STAB2: variants seen among roughly 807,000 people sequenced by gnomAD.
STAB2 encodes the protein stabilin-2.
In STAB2, 288 loss-of-function variants were observed where a neutral mutation model predicts 338.1. That is an observed-to-expected ratio of 0.85 (90% CI 0.77 to 0.94). The LOEUF is 0.94. STAB2 is among the 40% of genes least tolerant of loss of function. The pLI, the probability that STAB2 is intolerant of heterozygous loss-of-function variation, is 0.00. For missense variants in STAB2, 3,141 were observed against 3,210.1 expected (o/e 0.98, Z 0.52); for synonymous variants, 1,202 against 1,193.3 (o/e 1.01, Z -0.15).
intron 3 of STAB2, among the ~76,000 whole-genome samples, chr12:103,601,981 A>G (rs1467401607): frequency 6.6e-6 from 1 of 152,190 alleles, no homozygotes; most frequent in African/African-American, 2.4e-5. Flanking sequence ...ATTTATTATC[A>G]TGATTTGCAT....
At position 103,753,206 on chromosome 12, in the gene STAB2, T is replaced by C. The variant is rs111962227; in HGVS notation, c.6581-14T>C. 1 of 1,613,822 alleles carries C rather than the reference T, an allele frequency of 6.2e-7. No individual in the cohort carries two copies. The highest frequency in any genetic ancestry group is 1.1e-5 in the South Asian group (1 of 91,056). On this transcript the variant is annotated splice_polypyrimidine_tract_variant and intron_variant, in intron 60 of 68. Transcript: ENST00000388887. The stretch of plus-strand genomic sequence containing the variant: ...GTGGGCTGACCTGGGCGATTCCTCC[T>C]CTTCCTCATCCAGATACCACTGTTG...
rs1375845118 is a variant in STAB2, at chr12:103,655,483, G to A, written c.1636G>A (p.Glu546Lys). 6.2e-7 allele frequency: 1 copy of A among 1,613,944 alleles called. No individual in the cohort carries two copies. The highest frequency in any genetic ancestry group is 8.5e-7 in the Non-Finnish European group (1 of 1,180,014). ...AACCAATTTGGGACATGCCTTAGAT[G>A]AGGATGGAGTTGGTGGACCATACAC... is the stretch of plus-strand genomic sequence containing the variant. ...EETNLGHALDEDGVGGPYTIF... is the reference protein window; with the variant it reads ...EETNLGHALDKDGVGGPYTIF... Residue 546 changes from glutamate to lysine, a missense_variant, in exon 15 of 69, where the codon GAG becomes AAG. Glu to Lys is a moderately conservative substitution (Grantham distance 56). Coordinates refer to ENST00000388887, the MANE Select transcript of STAB2 (RefSeq NM_017564.10).
chr12:103,755,819 T>A, intron 63 of STAB2, 101 bp downstream of exon 63: 1 of 1,109,552 alleles, frequency 9.0e-7, no homozygotes, highest in Non-Finnish European at 1.3e-6. Flanking sequence ...CAGTCACAGT[T>A]AAGAGCATGG....
intron 55 of STAB2, among the ~76,000 whole-genome samples, chr12:103,742,170 C>G (rs1030002116): frequency 6.6e-6 from 1 of 152,160 alleles, no homozygotes; most frequent in Non-Finnish European, 1.5e-5. Flanking sequence ...ATCCAGTGCA[C>G]AAACCCCCAA....
intron 3 of STAB2, among the ~76,000 whole-genome samples, chr12:103,597,385 T>C (rs1267793967): frequency 6.6e-6 from 1 of 152,200 alleles, no homozygotes; most frequent in Non-Finnish European, 1.5e-5. Context: ...TCCTTTTTAA[T>C]GCATTGACAA....
chr12:103,660,890 T>C, intron 17 of STAB2, 127 bp downstream of exon 17: 1 of 1,028,338 alleles, frequency 9.7e-7, no homozygotes, highest in African/African-American at 1.6e-5. Flanking sequence ...ATTTCATTCA[T>C]TTGCTCACTT....
At chr12:103,669,027 C>A (rs1302157504) in intron 20 of STAB2, among the ~76,000 whole-genome samples, 2 of 152,168 alleles carry the variant, frequency 1.3e-5, no homozygotes, top group Non-Finnish European at 2.9e-5. Context: ...TACCTCAGAG[C>A]ATGCACACTT....
At chr12:103,588,071 T>C (rs1429604324) in intron 1 of STAB2, among the ~76,000 whole-genome samples, 1 of 152,198 alleles carries the variant, frequency 6.6e-6, no homozygotes, top group Non-Finnish European at 1.5e-5. Flanking sequence ...GTAGCCCCTA[T>C]GAAGTACATC....
chr12:103,741,030 C>T (rs1226376879), intron 55 of STAB2, among the ~76,000 whole-genome samples: 1 of 152,116 alleles, frequency 6.6e-6, no homozygotes, highest in East Asian at 1.9e-4. Flanking sequence ...GTGCTAAATA[C>T]ACCGTATTTC....
At position 103,631,544 on chromosome 12, in the gene STAB2, T is replaced by A. The variant is rs150163968; in HGVS notation, c.488-54T>A. ...ATCTAAAAACACTAGCTTTCCAGAA[T>A]GTTTAGCAACAGTCTATGTCAGGTA... On this transcript the variant is annotated intron_variant, in intron 5 of 68. Transcript: ENST00000388887. 57 of 1,534,788 alleles carry A rather than the reference T, an allele frequency of 3.7e-5. 5 individuals are homozygous for A. The highest frequency in any genetic ancestry group is 1.7e-4 in the Middle Eastern group (1 of 5,880).
At chr12:103,737,542 G>C (rs553122086) in intron 52 of STAB2, 92 bp from the exon 53 acceptor site, 4 of 1,396,272 alleles carry the variant, frequency 2.9e-6, no homozygotes, top group Non-Finnish European at 3.8e-6. Flanking sequence ...ACATGGCTGG[G>C]AAAGAAGAGA....
At position 103,750,604 on chromosome 12, in the gene STAB2, G is replaced by A. The variant is rs1317958922; in HGVS notation, c.6464G>A (p.Ser2155Asn). The A allele has an allele frequency of 1.9e-6, 3 of 1,614,090 alleles. No homozygotes were observed. The highest frequency in any genetic ancestry group is 3.3e-5 in the Admixed American group (2 of 60,006). The stretch of plus-strand genomic sequence containing the variant: ...GGCAAGCACAAGTGTGAGTGTAAAA[G>A]TCACTATGTCGGAGATGGGCTGAAC... ...GPGKHKCECK[S>N]HYVGDGLNCE... is the part of the protein sequence containing the mutation. Residue 2155 changes from serine to asparagine, a missense_variant, in exon 60 of 69, where the codon AGT (serine) becomes AAT (asparagine). Transcript: ENST00000388887.
intron 32 of STAB2, 31 bp from the exon 33 acceptor site, chr12:103,695,706 C>T: frequency 2.5e-6 from 4 of 1,614,070 alleles, no homozygotes; most frequent in Non-Finnish European, 2.5e-6. Context: ...AACAGGAATC[C>T]CTCATGCACT....
intron 42 of STAB2, among the ~76,000 whole-genome samples, chr12:103,714,593 A>G (rs1422784788): frequency 6.6e-6 from 1 of 151,966 alleles, no homozygotes; most frequent in Non-Finnish European, 1.5e-5. Flanking sequence ...AGGCTGAGGC[A>G]GGAGAATTGC....
intron 44 of STAB2, among the ~76,000 whole-genome samples, chr12:103,722,919 G>C (rs1418974217): frequency 6.6e-6 from 1 of 152,182 alleles, no homozygotes; most frequent in East Asian, 1.9e-4. Context: ...AGCAGACGTA[G>C]TGTCGGTCAG....
At chr12:103,686,068 G>A (rs1004162765) in intron 27 of STAB2, among the ~76,000 whole-genome samples, 7 of 152,024 alleles carry the variant, frequency 4.6e-5, no homozygotes, top group Admixed American at 6.6e-5. Context: ...TGTTTCCTAC[G>A]TCAGTCCTAT....
intron 27 of STAB2, 101 bp downstream of exon 27, chr12:103,685,185 A>G (rs1324885689): frequency 3.6e-6 from 4 of 1,121,806 alleles, no homozygotes; most frequent in East Asian, 2.4e-5. Flanking sequence ...CTTTTGCTGC[A>G]GGAGATTTTA....
chr12:103,745,251 C>CA lies in STAB2; in HGVS notation c.6111dup (p.Gly2038ArgfsTer5), dbSNP rs1882932745. On this transcript the variant is annotated frameshift_variant, in exon 57 of 69. Transcript: ENST00000388887. LOFTEE classifies it high-confidence loss of function. ...CAGTGCCTCTGTGAAACGGGGTGGA[C>CA]AGGCCCCTCGTGTGACACTCAGGCA... is the stretch of plus-strand genomic sequence containing the variant. 1 of 1,613,718 alleles carries CA rather than the reference C, an allele frequency of 6.2e-7. No individual in the cohort carries two copies. The highest frequency in any genetic ancestry group is 1.3e-5 in the African/African-American group (1 of 74,924).
At chr12:103,659,415 G>T (rs1477908072) in intron 15 of STAB2, among the ~76,000 whole-genome samples, 1 of 152,222 alleles carries the variant, frequency 6.6e-6, no homozygotes, top group East Asian at 1.9e-4. Context: ...GTTGCAACCT[G>T]TTCTTAGAAC....
Sources: allele counts gnomAD v4.1 joint callset (sites outside exome capture counted in the v4.1 genomes callset), GRCh38; gene constraint gnomAD v4.1.1; transcripts MANE v1.5; gene names NCBI Gene and HGNC (gene_info 2026-07-23, HGNC 2026-07-21).